Variants in DEPDC5 observed in about 807,000 individuals in gnomAD.
DEPDC5 encodes the protein DEP domain containing 5, GATOR1 subcomplex subunit.
A neutral mutation model predicts 217.3 loss-of-function variants in DEPDC5; 73 were observed. That is an observed-to-expected ratio of 0.34 (90% CI 0.28 to 0.41). The LOEUF is 0.41. Among genes scored for constraint, DEPDC5 ranks in the 10% least tolerant of loss-of-function variants. The pLI is 1.00. For missense variants in DEPDC5, 1,675 were observed against 2,070.1 expected, an observed-to-expected ratio of 0.81 and a Z score of 3.70; for synonymous variants, 733 against 756.7, an observed-to-expected ratio of 0.97 and a Z score of 0.51.
At chr22:31,861,340 C>T (rs745780604) in intron 32 of DEPDC5, 28 bp from the exon 33 acceptor site, 3 of 1,550,278 alleles carry the variant, frequency 1.9e-6, no homozygotes, top group Admixed American at 2.0e-5. Flanking sequence ...GCAACTGCTG[C>T]TGCTGCTTCC....
chr22:31,798,296 G>A (rs1011281942), intron 13 of DEPDC5, among the ~76,000 whole-genome samples: 1 of 152,110 alleles, frequency 6.6e-6, no homozygotes, highest in Non-Finnish European at 1.5e-5. Flanking sequence ...AAGGCAGGCG[G>A]ATCACGAGGT....
At chr22:31,761,768 G>A (rs749136702) in intron 4 of DEPDC5, among the ~76,000 whole-genome samples, 2 of 151,548 alleles carry the variant, frequency 1.3e-5, no homozygotes, top group Non-Finnish European at 2.9e-5. Context: ...AGGAGTTTGC[G>A]ACCAGCCTGG....
rs2087349301 is a variant in DEPDC5, at chr22:31,805,060, G to A, written c.1217+145G>A. ...AACCAAGTTCTAACATTTGCTCAAA[G>A]CTCTGTACACACAAAGCAGTAGCAG... On this transcript the variant is annotated intron_variant, in intron 17 of 42. Coordinates refer to ENST00000651528, the MANE Select transcript of DEPDC5 (RefSeq NM_001242896.3). 6.9e-6 allele frequency: 5 copies of A among 723,384 alleles called. 1 individual carries two copies. In the South Asian group the frequency reaches 7.2e-5, roughly 10 times the overall value. The allele number at this position is 723,384 out of a possible 1,614,324, so 44.8% of individuals were successfully genotyped here. A position where few individuals can be genotyped will look rare whatever the true frequency, so the allele number is the denominator to read the frequency against.
intron 4 of DEPDC5, among the ~76,000 whole-genome samples, chr22:31,762,737 T>C (rs971850488): frequency 6.6e-6 from 1 of 152,156 alleles, no homozygotes; most frequent in African/African-American, 2.4e-5. Flanking sequence ...CACTCCAGCC[T>C]GGGCAACAAG....
In DEPDC5 at chr22:31,822,795, C is replaced by T. The variant is rs867767866; in HGVS notation, c.2104+5C>T. 1.2e-6 allele frequency: 2 copies of T among 1,613,478 alleles called. No homozygotes were observed. The highest frequency in any genetic ancestry group is 1.3e-5 in the African/African-American group (1 of 75,012). On this transcript the variant is annotated splice_donor_5th_base_variant and intron_variant, in intron 24 of 42. Transcript: ENST00000651528. ...TGCTTAGCAACAGTGGTGCAGGTAA[C>T]CAATCCAAGAGGTAATAGAGTTGGG... is the stretch of plus-strand genomic sequence containing the variant.
chr22:31,846,324 C>G (rs1777058169), intron 30 of DEPDC5, among the ~76,000 whole-genome samples: 1 of 152,174 alleles, frequency 6.6e-6, no homozygotes, highest in African/African-American at 2.4e-5. Flanking sequence ...TTTTTAATCA[C>G]CAGGGAATGT....
chr22:31,848,009 A>G (rs2091838764), intron 31 of DEPDC5, among the ~76,000 whole-genome samples: 1 of 152,242 alleles, frequency 6.6e-6, no homozygotes, highest in Admixed American at 6.5e-5. Context: ...CAAAGGGGCT[A>G]CAGGCCCCAT....
intron 14 of DEPDC5, among the ~76,000 whole-genome samples, chr22:31,800,655 T>G (rs952393524): frequency 6.6e-6 from 1 of 151,962 alleles, no homozygotes; most frequent in East Asian, 1.9e-4. Context: ...AATAAAAATT[T>G]TAAAAAATTA....
chr22:31,859,151 C>T (rs371368894), intron 32 of DEPDC5: 5 of 120,290 alleles, frequency 4.2e-5, no homozygotes, highest in Admixed American at 1.2e-4. Context: ...AGTGCAGTGG[C>T]GCGATCTCGG....
chr22:31,864,874 A>T (rs889471662), intron 33 of DEPDC5, among the ~76,000 whole-genome samples: 1 of 152,098 alleles, frequency 6.6e-6, no homozygotes, highest in African/African-American at 2.4e-5. Flanking sequence ...TATTTTTAGT[A>T]GAGATGGGGT....
At chr22:31,835,477 G>A (rs558079338) in intron 25 of DEPDC5, among the ~76,000 whole-genome samples, 3 of 152,116 alleles carry the variant, frequency 2.0e-5, no homozygotes, top group Non-Finnish European at 2.9e-5. Context: ...ATGAGATCTC[G>A]AACTAAGCAT....
Position 31,783,951 on chromosome 22 carries a change from G to A in DEPDC5, c.528G>A (p.Gln176=). Residue 176 remains glutamine (Q), a synonymous_variant, in exon 9 of 43, where the codon CAG becomes CAA. Coordinates refer to ENST00000651528, the MANE Select transcript of DEPDC5 (RefSeq NM_001242896.3). The part of the protein sequence containing the change: ...STSAMVYIFI[Q]MSCEMWDFDI... ...CGGCTATGGTTTACATATTTATTCA[G>A]ATGAGCTGTGAAATGTGGGATTTTG... is the stretch of plus-strand genomic sequence containing the variant. 2 of 1,613,740 alleles carry A rather than the reference G, an allele frequency of 1.2e-6. No homozygotes were observed. The highest frequency in any genetic ancestry group is 1.7e-6 in the Non-Finnish European group (2 of 1,179,818).
At chr22:31,792,549 T>C (rs1298589634) in intron 11 of DEPDC5, 196 bp from the exon 12 acceptor site, 2 of 400,858 alleles carry the variant, frequency 5.0e-6, no homozygotes, top group East Asian at 5.4e-5. Context: ...GAGGTTGCAG[T>C]GAGCTGAGAT....
intron 10 of DEPDC5, among the ~76,000 whole-genome samples, chr22:31,787,674 C>T (rs147099314): frequency 8.7e-4 from 132 of 152,000 alleles, no homozygotes; most frequent in African/African-American, 3.1e-3. Context: ...TAGCTGGCTG[C>T]ATTGGCAAAT....
At chr22:31,859,772 A>C (rs1244683644) in intron 32 of DEPDC5, among the ~76,000 whole-genome samples, 2 of 152,224 alleles carry the variant, frequency 1.3e-5, no homozygotes, top group East Asian at 3.8e-4. Flanking sequence ...TAGTTTACCA[A>C]CTGCTGCTCT....
At chr22:31,899,937 C>T (rs2149408679) in intron 40 of DEPDC5, among the ~76,000 whole-genome samples, 1 of 152,292 alleles carries the variant, frequency 6.6e-6, no homozygotes, top group South Asian at 2.1e-4. Flanking sequence ...TCAGCAACAG[C>T]CTTGCAGAAG....
intron 14 of DEPDC5, among the ~76,000 whole-genome samples, chr22:31,802,047 A>AT (rs1416136716): frequency 3.4e-5 from 5 of 148,058 alleles, no homozygotes; most frequent in Non-Finnish European, 7.4e-5. Context: ...ATATTAAAAT[A>AT]ATATATAATA....
intron 35 of DEPDC5, 142 bp from the exon 36 acceptor site, chr22:31,874,131 T>C: frequency 1.5e-6 from 2 of 1,309,034 alleles, no homozygotes; most frequent in Non-Finnish European, 2.1e-6. Context: ...TGGGTGTTTC[T>C]CTGAGTCTAG....
In DEPDC5 at chr22:31,839,410, T is replaced by C. The variant is rs8136412; in HGVS notation, c.2515+565T>C. ...ATGGAGAGCTCCTCTAAAATAAGTCTAACAGAGGGAATTAAGTGCAGGTGC... is the reference window on the plus strand; with the variant it reads ...ATGGAGAGCTCCTCTAAAATAAGTCCAACAGAGGGAATTAAGTGCAGGTGC... On this transcript the variant is annotated intron_variant, in intron 27 of 42. Transcript: ENST00000651528. Among the ~76,000 whole-genome samples the C allele has an allele frequency of 6.9e-3, 1,050 of 152,196 alleles. 11 individuals are homozygous for C. Among genetic ancestry groups the C allele is most frequent in the Non-Finnish European group, 0.011 (719 of 67,970 alleles).
Sources: gnomAD v4.1 joint callset for allele counts (sites outside exome capture counted in the v4.1 genomes callset) on GRCh38, gnomAD v4.1.1 for gene constraint, MANE v1.5 for transcripts, NCBI Gene and HGNC (gene_info 2026-07-23, HGNC 2026-07-21) for gene names.